Variants in ERG observed in about 807,000 individuals in gnomAD.
The protein encoded by ERG is ETS transcription factor ERG.
Under a neutral mutation model 55.3 loss-of-function variants are expected in ERG, and 9 were observed. The observed-to-expected ratio is 0.16, with a 90% confidence interval of 0.10 to 0.28. The LOEUF is 0.28. ERG is among the 10% of genes least tolerant of loss of function. The pLI is 1.00. For missense variants in ERG, 434 were observed against 631.6 expected, an observed-to-expected ratio of 0.69 and a Z score of 3.35; for synonymous variants, 223 against 237.3, an observed-to-expected ratio of 0.94 and a Z score of 0.55.
chr21:38,446,226 CAAAAAAAAAAAAAAAA>C (rs71184626), intron 1 of ERG, among the ~76,000 whole-genome samples: 9,692 of 63,958 alleles, frequency 0.15, 586 homozygotes, highest in South Asian at 0.2. Context: ...ATAAATGAAC[CAAAAAAAAAAAAAAAA>C]AAAAAAAAAA....
At chr21:38,436,549 T>C (rs2058792092) in intron 2 of ERG, among the ~76,000 whole-genome samples, 1 of 152,178 alleles carries the variant, frequency 6.6e-6, no homozygotes, top group Non-Finnish European at 1.5e-5. Context: ...CAACTTTCAC[T>C]TTCACTAACT....
chr21:38,456,563 AGGG>A (rs2058991332), intron 1 of ERG, among the ~76,000 whole-genome samples: 1 of 150,032 alleles, frequency 6.7e-6, no homozygotes, highest in Non-Finnish European at 1.5e-5. Flanking sequence ...ATGATGGTCC[AGGG>A]GTCTCCTTCT....
Position 38,546,295 on chromosome 21 carries a change from T to C in ERG, c.-41+29367A>G, listed in dbSNP as rs1388965215. 3.3e-5 allele frequency among the ~76,000 whole-genome samples: 5 copies of C among 152,224 alleles called. No homozygotes were observed. In the East Asian group the frequency reaches 9.6e-4, roughly 29 times the overall value. On this transcript the variant is annotated intron_variant, in intron 2 of 8. Coordinates refer to the ERG transcript ENST00000398897. ...TACTCACACAGAAGTGCTCCAATTATGAGGACCTTATTTTATTCCCTTTAC... is the reference window on the plus strand; with the variant it reads ...TACTCACACAGAAGTGCTCCAATTACGAGGACCTTATTTTATTCCCTTTAC...
chr21:38,658,695 C>T (rs945721011), intron 1 of ERG, among the ~76,000 whole-genome samples: 3 of 152,184 alleles, frequency 2.0e-5, no homozygotes, highest in Non-Finnish European at 4.4e-5. Flanking sequence ...TTACACATTC[C>T]TTCTGACGTC....
chr21:38,443,019 G>C (rs1309157132), intron 2 of ERG, among the ~76,000 whole-genome samples: 1 of 152,158 alleles, frequency 6.6e-6, no homozygotes, highest in Non-Finnish European at 1.5e-5. Context: ...ATGTTAGCCA[G>C]GATGGTCTCG....
At chr21:38,487,671 C>G (rs556298341) in intron 1 of ERG, among the ~76,000 whole-genome samples, 14 of 152,240 alleles carry the variant, frequency 9.2e-5, no homozygotes, top group African/African-American at 2.9e-4. Context: ...GGAGGTAGCA[C>G]CTGTAAGGAT....
chr21:38,481,793 T>G (rs1323738983), intron 1 of ERG, among the ~76,000 whole-genome samples: 1 of 152,222 alleles, frequency 6.6e-6, no homozygotes, highest in Non-Finnish European at 1.5e-5. Context: ...TTTAAAAGAT[T>G]GCTACAGTTT....
At chr21:38,507,510 C>T (rs2146714305) in intron 2 of ERG, among the ~76,000 whole-genome samples, 1 of 149,678 alleles carries the variant, frequency 6.7e-6, no homozygotes, top group Non-Finnish European at 1.5e-5. Flanking sequence ...CAGTGATGGC[C>T]CTCAACAAGC....
At chr21:38,478,831 G>A (rs2059212124) in intron 1 of ERG, among the ~76,000 whole-genome samples, 2 of 152,144 alleles carry the variant, frequency 1.3e-5, no homozygotes, top group South Asian at 4.1e-4. Flanking sequence ...AGACTTTCCT[G>A]AAGACAGCCA....
chr21:38,540,301 A>G (rs1312418417), intron 2 of ERG, among the ~76,000 whole-genome samples: 1 of 152,196 alleles, frequency 6.6e-6, no homozygotes, highest in African/African-American at 2.4e-5. Context: ...TTAATTAACA[A>G]TGTTGTCCAA....
chr21:38,584,583 G>A (rs1472758742), intron 1 of ERG, among the ~76,000 whole-genome samples: 1 of 152,176 alleles, frequency 6.6e-6, no homozygotes, highest in Non-Finnish European at 1.5e-5. Context: ...AACTGAGAAG[G>A]CAGTAATTCT....
At chr21:38,548,614 AT>A (rs58333375) in intron 2 of ERG, among the ~76,000 whole-genome samples, 15,067 of 106,612 alleles carry the variant, frequency 0.14, 869 homozygotes, top group African/African-American at 0.23. Flanking sequence ...CGCCCGGCTA[AT>A]TTTTTTTTTT....
At chr21:38,369,708 A>C in the ERG span, among the ~76,000 whole-genome samples, 1 of 152,104 alleles carries the variant, frequency 6.6e-6, no homozygotes, top group Non-Finnish European at 1.5e-5. Context: ...CTATGTCCTG[A>C]ATGATATTGC....
intron 1 of ERG, among the ~76,000 whole-genome samples, chr21:38,580,902 C>A (rs921286406): frequency 6.6e-6 from 1 of 152,140 alleles, no homozygotes; most frequent in African/African-American, 2.4e-5. Context: ...TGAGACCCCT[C>A]GACCCTACCC....
chr21:38,502,913 G>C (rs1400865513), upstream of ERG, among the ~76,000 whole-genome samples: 10 of 152,090 alleles, frequency 6.6e-5, no homozygotes, highest in Non-Finnish European at 1.3e-4. Flanking sequence ...TTTTAGTAGA[G>C]ACAGGTTTTC....
intron 3 of ERG, among the ~76,000 whole-genome samples, chr21:38,416,194 A>G (rs1452068662): frequency 3.9e-5 from 6 of 152,136 alleles, no homozygotes; most frequent in Non-Finnish European, 4.4e-5. Flanking sequence ...TCTGTCCTCT[A>G]CCTGTGCTGA....
rs1405681877 is a variant in ERG at position 38,515,194 on chromosome 21, A to G, written c.-41+60468T>C. 3.9e-5 allele frequency among the ~76,000 whole-genome samples: 6 copies of G among 152,106 alleles called. No homozygotes were observed. In the South Asian group the frequency reaches 1.2e-3, roughly 32 times the overall value. On this transcript the variant is annotated intron_variant, in intron 2 of 8. Transcript: ENST00000398897. ...TGCAGATGCATTCAATATTTCAACA[A>G]AGTTTTTGTGAAACTTGAGTGATTC...
At chr21:38,542,869 T>C (rs2059762837) in intron 2 of ERG, among the ~76,000 whole-genome samples, 1 of 152,260 alleles carries the variant, frequency 6.6e-6, no homozygotes, top group African/African-American at 2.4e-5. Context: ...TCAAATTTAC[T>C]GTTAGCTGTT....
upstream of ERG, among the ~76,000 whole-genome samples, chr21:38,501,242 T>C (rs1368428724): frequency 6.6e-6 from 1 of 151,746 alleles, no homozygotes; most frequent in Non-Finnish European, 1.5e-5. Flanking sequence ...ATTTTTTTTG[T>C]ATTTTTAGTA....
Sources: allele counts gnomAD v4.1 joint callset (sites outside exome capture counted in the v4.1 genomes callset), GRCh38; gene constraint gnomAD v4.1.1; transcripts MANE v1.5; gene names NCBI Gene and HGNC (gene_info 2026-07-23, HGNC 2026-07-21).